The following CSDE1 variants were observed in gnomAD, a reference collection of about 807,000 sequenced individuals.
The protein encoded by CSDE1 is cold shock domain containing E1, also known as cold shock domain-containing protein E1.
In CSDE1, 17 loss-of-function variants were observed where a neutral mutation model predicts 89.3. That is an observed-to-expected ratio of 0.19 (90% confidence interval 0.13 to 0.29). The LOEUF (loss-of-function observed/expected upper bound fraction) is 0.29. Ranked by LOEUF, CSDE1 falls within the 10% of genes least tolerant of loss-of-function variation. The pLI is 1.00. For missense variants in CSDE1, 672 were observed against 984.2 expected (o/e 0.68, Z 4.24); for synonymous variants, 322 against 332.8 (o/e 0.97, Z 0.35).
intron 1 of CSDE1, among the ~76,000 whole-genome samples, chr1:114,752,385 C>G (rs953555997): frequency 6.6e-6 from 1 of 151,958 alleles, no homozygotes; most frequent in Non-Finnish European, 1.5e-5. Flanking sequence ...AACAAACAAA[C>G]AAAAACCAAC....
intron 15 of CSDE1, 27 bp from the exon 16 acceptor site, chr1:114,724,029 T>C: frequency 6.2e-7 from 1 of 1,602,024 alleles, no homozygotes; most frequent in Admixed American, 1.7e-5. Flanking sequence ...GGTACATCTT[T>C]CAATTTTATT....
chr1:114,721,240 C>T (rs1659503738), intron 16 of CSDE1, among the ~76,000 whole-genome samples: 1 of 152,084 alleles, frequency 6.6e-6, no homozygotes, highest in Non-Finnish European at 1.5e-5. Context: ...GACCAAAAAC[C>T]ATTTTCCTAA....
Position 114,732,683 on chromosome 1 carries a change from C to A in CSDE1, c.971G>T (p.Arg324Leu). ...DHVRFNISTDRRDKLERATNI... is the reference protein window; with the variant it reads ...DHVRFNISTDLRDKLERATNI... Reference sequence around the variant, plus strand: ...GGTTGCTCGCTCTAATTTGTCACGTCGGTCTGTTGAAATATTAAACCTAAC... The same window carrying A: ...GGTTGCTCGCTCTAATTTGTCACGTAGGTCTGTTGAAATATTAAACCTAAC... Residue 324 changes from arginine (R) to leucine (L), a missense_variant, in exon 10 of 20, where the codon CGA (arginine) becomes CTA (leucine). By Grantham distance (102) the Arg-to-Leu change is moderately radical. Around this residue, in one of 8 missense-constraint regions of CSDE1, gnomAD observed 169 missense variants for 262.9 expected, o/e 0.64. Transcript: ENST00000358528. 2 of 1,614,118 alleles carry A rather than the reference C, an allele frequency of 1.2e-6. No homozygotes were observed. Among genetic ancestry groups the A allele is most frequent in the Non-Finnish European group, 1.7e-6 (2 of 1,180,016 alleles).
intron 2 of CSDE1, among the ~76,000 whole-genome samples, chr1:114,745,848 C>G (rs773304404): frequency 1.3e-5 from 2 of 152,184 alleles, no homozygotes; most frequent in Non-Finnish European, 2.9e-5. Flanking sequence ...CCCTGAAGAA[C>G]ATAAAAGTCA....
At chr1:114,745,380 C>T (rs1660961383) in intron 2 of CSDE1, among the ~76,000 whole-genome samples, 1 of 152,086 alleles carries the variant, frequency 6.6e-6, no homozygotes, top group Admixed American at 6.5e-5. Context: ...GCTATGTGGT[C>T]ATTGGAAACA....
At chr1:114,746,088 A>G (rs1252218476) in intron 2 of CSDE1, among the ~76,000 whole-genome samples, 4 of 152,184 alleles carry the variant, frequency 2.6e-5, no homozygotes, top group Non-Finnish European at 4.4e-5. Flanking sequence ...CTATTTCACC[A>G]TAAGATCTTT....
chr1:114,757,087 C>T (rs907630283), intron 1 of CSDE1, among the ~76,000 whole-genome samples: 2 of 152,174 alleles, frequency 1.3e-5, no homozygotes, highest in Admixed American at 1.3e-4. Flanking sequence ...CACTACTGAG[C>T]TTTCAGGGCG....
rs1570889047 is a variant in CSDE1 at position 114,720,258 on chromosome 1, AC to A, written c.2052+280del. ...GAAGCTCTAAGCAAAAGTGTACAAA[AC>A]CATATAGTCCTTCTATTCTGGAAAT... On this transcript the variant is annotated intron_variant, in intron 17 of 19. Transcript: ENST00000358528. 9 of 314,958 alleles carry A rather than the reference AC, an allele frequency of 2.9e-5. No homozygotes were observed. In the East Asian group the frequency reaches 5.3e-4, roughly 19 times the overall value. 19.5% of individuals were successfully genotyped at this position (314,958 alleles called of 1,614,324 possible).
At chr1:114,739,380 T>C (rs939767133) in intron 3 of CSDE1, among the ~76,000 whole-genome samples, 9 of 152,202 alleles carry the variant, frequency 5.9e-5, no homozygotes, top group African/African-American at 1.9e-4. Flanking sequence ...CTACCCAAAA[T>C]AGTACCTGAC....
chr1:114,723,957 T>G lies in CSDE1; in HGVS notation c.1799A>C (p.Lys600Thr). 1 of 1,614,052 alleles carries G rather than the reference T, an allele frequency of 6.2e-7. No individual in the cohort carries two copies. Among genetic ancestry groups the G allele is most frequent in the Non-Finnish European group, 8.5e-7 (1 of 1,179,926 alleles). Residue 600 changes from lysine (K) to threonine (T), a missense_variant, in exon 16 of 20, where the codon AAA becomes ACA. Around this residue, in one of 8 missense-constraint regions of CSDE1, gnomAD observed 206 missense variants for 332.4 expected, o/e 0.62. Coordinates refer to ENST00000358528, the MANE Select transcript of CSDE1 (RefSeq NM_001007553.3). ...AACACTCCTCAGGGGGCGAATTACTTTGCCAGAGTAAATGGTGGGATCAGC... is the reference window on the plus strand; with the variant it reads ...AACACTCCTCAGGGGGCGAATTACTGTGCCAGAGTAAATGGTGGGATCAGC... ...EEADPTIYSG[K>T]VIRPLRSVDP...
intron 7 of CSDE1, 49 bp from the exon 8 acceptor site, chr1:114,734,166 T>A: frequency 6.4e-7 from 1 of 1,571,524 alleles, no homozygotes; most frequent in Non-Finnish European, 8.6e-7. Context: ...CTGTACAAAT[T>A]TATGATTACA....
At chr1:114,754,627 G>C (rs541257810) in intron 1 of CSDE1, among the ~76,000 whole-genome samples, 8 of 152,258 alleles carry the variant, frequency 5.3e-5, no homozygotes, top group African/African-American at 1.9e-4. Context: ...ATTTCATTGA[G>C]CACCACATTT....
At chr1:114,722,611 CT>C (rs1659589382) in intron 16 of CSDE1, among the ~76,000 whole-genome samples, 2 of 152,108 alleles carry the variant, frequency 1.3e-5, no homozygotes, top group Non-Finnish European at 2.9e-5. Context: ...TTAGAGATGC[CT>C]AAATAAAACC....
At chr1:114,755,239 T>G (rs1447138309) in intron 1 of CSDE1, among the ~76,000 whole-genome samples, 1 of 152,184 alleles carries the variant, frequency 6.6e-6, no homozygotes, top group Non-Finnish European at 1.5e-5. Flanking sequence ...AGGTATAAAC[T>G]GAGCAGGGGT....
intron 2 of CSDE1, among the ~76,000 whole-genome samples, chr1:114,746,299 T>C (rs1017788285): frequency 5.3e-5 from 8 of 152,228 alleles, no homozygotes; most frequent in East Asian, 1.9e-4. Context: ...CTTGATTCTG[T>C]AGACTGAAGT....
intron 9 of CSDE1, among the ~76,000 whole-genome samples, 198 bp downstream of exon 9, chr1:114,733,532 GAA>G (rs371869505): frequency 1.5e-4 from 14 of 95,992 alleles, no homozygotes; most frequent in East Asian, 8.4e-4. Context: ...CACAAAAAAA[GAA>G]AAAAAAAAAA....
chr1:114,726,719 T>C (rs1659819730), intron 13 of CSDE1, among the ~76,000 whole-genome samples: 1 of 152,240 alleles, frequency 6.6e-6, no homozygotes, highest in African/African-American at 2.4e-5. Flanking sequence ...CAGTAGTAAC[T>C]GTTTTAACTT....
chr1:114,755,960 T>C (rs143416780), intron 1 of CSDE1, among the ~76,000 whole-genome samples: 85 of 152,360 alleles, frequency 5.6e-4, no homozygotes, highest in African/African-American at 1.9e-3. Flanking sequence ...AAATTTCATG[T>C]TATGAATGCT....
rs774720914 is a variant in CSDE1, at chr1:114,732,697, A to G, written c.957T>C (p.Asn319=). Residue 319 remains asparagine (N), a synonymous_variant, in exon 10 of 20, where the codon AAT becomes AAC. Coordinates refer to ENST00000358528, the MANE Select transcript of CSDE1 (RefSeq NM_001007553.3). The part of the protein sequence containing the change: ...TLLEGDHVRF[N]ISTDRRDKLE... ...ATTTGTCACGTCGGTCTGTTGAAAT[A>G]TTAAACCTAACATGGTCACCTTCCA... is the stretch of plus-strand genomic sequence containing the variant. 6.2e-7 allele frequency: 1 copy of G among 1,614,210 alleles called. No homozygotes were observed. Among genetic ancestry groups the G allele is most frequent in the South Asian group, 1.1e-5 (1 of 91,084 alleles).
Sources: gnomAD v4.1 joint callset for allele counts (sites outside exome capture counted in the v4.1 genomes callset) on GRCh38, gnomAD v4.1.1 for gene constraint, gnomAD v4.1.1 regional missense constraint, MANE v1.5 for transcripts, NCBI Gene and HGNC (gene_info 2026-07-23, HGNC 2026-07-21) for gene names.